The following SLC39A8 variants were observed in gnomAD, a reference collection of about 807,000 sequenced individuals.
SLC39A8 encodes metal cation symporter ZIP8.
Under a neutral mutation model 40.4 loss-of-function variants are expected in SLC39A8, and 15 were observed. That is an observed-to-expected ratio of 0.37 (90% CI 0.25 to 0.57). The LOEUF is 0.57. Ranked by LOEUF, SLC39A8 falls within the 20% of genes least tolerant of loss-of-function variation. SLC39A8 has a pLI of 0.75. For synonymous variants in SLC39A8, 223 were observed against 221.6 expected, an observed-to-expected ratio of 1.01 and a Z score of -0.06; for missense variants, 472 against 558.8, an observed-to-expected ratio of 0.84 and a Z score of 1.57.
At chr4:102,270,663 C>G (rs1380037128) in intron 6 of SLC39A8, among the ~76,000 whole-genome samples, 2 of 152,098 alleles carry the variant, frequency 1.3e-5, no homozygotes, top group African/African-American at 4.8e-5. Flanking sequence ...GACACTAAGT[C>G]TGGAATCTAA....
rs1734046059 is a variant in SLC39A8, at chr4:102,304,347, A to T, written c.810T>A (p.His270Gln). ...PAVTEANGHI[H>Q]FDNVSVVSLQ... ...GAGATACCACACTGACATTATCAAA[A>T]TGGATATGTCCATTAGCTTCTGTGA... is the stretch of plus-strand genomic sequence containing the variant. The change falls in exon 6 of 9, where the codon CAT becomes CAA. Residue 270 changes from histidine to glutamine, a missense_variant. His to Gln is a conservative substitution (Grantham distance 24, BLOSUM62 0). Transcript: ENST00000356736. 1 of 1,611,204 alleles carries T rather than the reference A, an allele frequency of 6.2e-7. No homozygotes were observed. Among genetic ancestry groups the T allele is most frequent in the African/African-American group, 1.3e-5 (1 of 74,770 alleles).
chr4:102,255,474 C>T (rs777415820), intron 11 of SLC39A8, among the ~76,000 whole-genome samples: 9 of 152,128 alleles, frequency 5.9e-5, no homozygotes, highest in Non-Finnish European at 1.2e-4. Context: ...CGGGTTTCTC[C>T]TTGTGCCAGG....
chr4:102,281,911 C>T (rs139216379), intron 6 of SLC39A8, among the ~76,000 whole-genome samples: 111 of 152,298 alleles, frequency 7.3e-4, no homozygotes, highest in African/African-American at 2.5e-3. Flanking sequence ...ACCACTGGAG[C>T]ACAGAGCAGT....
At chr4:102,301,489 AT>A (rs1733926549) in intron 6 of SLC39A8, among the ~76,000 whole-genome samples, 1 of 152,016 alleles carries the variant, frequency 6.6e-6, no homozygotes. Flanking sequence ...ACTATATGAT[AT>A]TTTCTTGTTT....
intron 3 of SLC39A8, among the ~76,000 whole-genome samples, chr4:102,308,019 G>T (rs973147365): frequency 1.3e-5 from 2 of 151,322 alleles, no homozygotes; most frequent in African/African-American, 4.8e-5. Context: ...TCAGGACAAA[G>T]GTATGGGGTG....
At position 102,280,865 on chromosome 4, in the gene SLC39A8, T is replaced by C. The variant is rs138386801; in HGVS notation, c.841-12786A>G. Among the ~76,000 whole-genome samples the C allele has an allele frequency of 3.4e-3, 520 of 152,346 alleles. 3 individuals carry two copies. Among genetic ancestry groups the C allele is most frequent in the Non-Finnish European group, 4.5e-3 (303 of 68,030 alleles). On this transcript the variant is annotated intron_variant, in intron 6 of 8. Transcript: ENST00000356736. ...ATGTGAGTAAAGTTGTTTTGGTCTT[T>C]AGTAGTTTAATTAATAATCAGTTAT...
chr4:102,301,031 G>A (rs233820), intron 6 of SLC39A8, among the ~76,000 whole-genome samples: 14,262 of 151,756 alleles, frequency 0.094, 882 homozygotes, highest in Non-Finnish European at 0.11. Flanking sequence ...AGAAATTAAC[G>A]TCAAAACTAT....
Position 102,305,090 on chromosome 4 carries a change from C to T in SLC39A8, c.574G>A (p.Val192Ile), listed in dbSNP as rs1347788594. The change falls in exon 5 of 9, where the codon GTC becomes ATC. Residue 192 changes from valine (V) to isoleucine (I), a missense_variant. Physicochemically the swap from Val to Ile is conservative, Grantham distance 29 (BLOSUM62 3). Coordinates refer to ENST00000356736, the MANE Select transcript of SLC39A8 (RefSeq NM_001135146.2). The stretch of plus-strand genomic sequence containing the variant: ...ACTGCCTTCTCAACATAACTGTCGA[C>T]TTTGGGATCAAATCCAAATGCCTAA... ...IPEAFGFDPK[V>I]DSYVEKAVAV... The T allele has an allele frequency of 6.2e-6, 10 of 1,608,256 alleles. No homozygotes were observed. The highest frequency in any genetic ancestry group is 8.5e-6 in the Non-Finnish European group (10 of 1,177,610).
Position 102,295,756 on chromosome 4 carries a change from C to T in SLC39A8, c.840+8561G>A, listed in dbSNP as rs561077568. On this transcript the variant is annotated intron_variant, in intron 6 of 8. Coordinates refer to ENST00000356736, the MANE Select transcript of SLC39A8 (RefSeq NM_001135146.2). The stretch of plus-strand genomic sequence containing the variant: ...TAAATGTTGATGCCACCAGCCTCCA[C>T]AAGAATGGAATATACTAGCTGGCCA... Among the ~76,000 whole-genome samples the T allele has an allele frequency of 2.6e-5, 4 of 152,166 alleles. No homozygotes were observed. In the South Asian group the frequency reaches 6.2e-4, roughly 24 times the overall value.
At chr4:102,320,177 ATATATATATATATG>A (rs1365082548) in intron 2 of SLC39A8, among the ~76,000 whole-genome samples, 127 of 100,392 alleles carry the variant, frequency 1.3e-3, no homozygotes, top group Middle Eastern at 0.012. Flanking sequence ...ACATATATAT[ATATATATATATATG>A]TATATATATA....
At chr4:102,291,826 A>C (rs1342760529) in intron 6 of SLC39A8, among the ~76,000 whole-genome samples, 1 of 152,026 alleles carries the variant, frequency 6.6e-6, no homozygotes, top group Non-Finnish European at 1.5e-5. Context: ...AAATGGACAA[A>C]GAAAATGTGG....
chr4:102,267,359 A>T (rs1732147345), intron 8 of SLC39A8, 131 bp downstream of exon 8: 4 of 723,298 alleles, frequency 5.5e-6, no homozygotes, highest in Non-Finnish European at 6.6e-6. Context: ...TTGAAATGGG[A>T]TTGTTCTGAA....
intron 2 of SLC39A8, among the ~76,000 whole-genome samples, chr4:102,337,323 G>T (rs151281146): frequency 6.6e-6 from 1 of 151,168 alleles, no homozygotes; most frequent in African/African-American, 2.4e-5. Flanking sequence ...AGGTTTTTAT[G>T]ACTAGAAAGC....
chr4:102,253,900 CT>C (rs1731651222), intron 11 of SLC39A8, among the ~76,000 whole-genome samples: 1 of 152,110 alleles, frequency 6.6e-6, no homozygotes, highest in African/African-American at 2.4e-5. Flanking sequence ...TTTGCATTTC[CT>C]TTCTGCTTGT....
intron 6 of SLC39A8, among the ~76,000 whole-genome samples, chr4:102,276,551 C>T (rs980362620): frequency 1.3e-5 from 2 of 152,128 alleles, no homozygotes; most frequent in Non-Finnish European, 2.9e-5. Flanking sequence ...TCGAATTCTA[C>T]CAGATGTACA....
At chr4:102,311,981 C>T (rs563480937) in intron 3 of SLC39A8, among the ~76,000 whole-genome samples, 1 of 152,106 alleles carries the variant, frequency 6.6e-6, no homozygotes, top group Non-Finnish European at 1.5e-5. Flanking sequence ...ATGTGGTGAA[C>T]CTATGAACAC....
rs117217846 is a variant in SLC39A8 at position 102,289,863 on chromosome 4, T to C, written c.840+14454A>G. Among the ~76,000 whole-genome samples, 169 of 152,290 alleles carry C rather than the reference T, an allele frequency of 1.1e-3. 4 individuals carry two copies. The East Asian group carries it at 0.031, about 27-fold the overall frequency. ...CTTGAAACAGAATCTACTGCTGGTA[T>C]AGATGCTGTGAACAACGTTGAAATG... On this transcript the variant is annotated intron_variant, in intron 6 of 8. Transcript: ENST00000356736.
At chr4:102,321,206 C>T (rs1734949641) in intron 2 of SLC39A8, among the ~76,000 whole-genome samples, 1 of 152,088 alleles carries the variant, frequency 6.6e-6, no homozygotes, top group African/African-American at 2.4e-5. Context: ...TAATAAAGAA[C>T]TATGAGAGTT....
chr4:102,316,270 G>A (rs1734652458), intron 2 of SLC39A8, among the ~76,000 whole-genome samples: 1 of 151,990 alleles, frequency 6.6e-6, no homozygotes, highest in Non-Finnish European at 1.5e-5. Flanking sequence ...CAAATACCTG[G>A]CTCCCTACAG....
Sources: gnomAD v4.1 joint callset for allele counts (sites outside exome capture counted in the v4.1 genomes callset) on GRCh38, gnomAD v4.1.1 for gene constraint, MANE v1.5 for transcripts, NCBI Gene and HGNC (gene_info 2026-07-23, HGNC 2026-07-21) for gene names.